TENM2: variants seen among roughly 807,000 people sequenced by gnomAD.
TENM2 encodes the protein teneurin-2.
In TENM2, 52 loss-of-function variants were observed where a neutral mutation model predicts 245.2. The ratio of observed to expected loss-of-function variants is 0.21; its 90% confidence interval spans 0.17 to 0.27. The LOEUF is 0.27. Among genes scored for constraint, TENM2 ranks in the 10% least tolerant of loss-of-function variants. The pLI is 1.00. For synonymous variants in TENM2, 1,363 were observed against 1,438.9 expected (o/e 0.95, Z 1.19); for missense variants, 3,046 against 3,666.8 (o/e 0.83, Z 4.37).
chr5:167,719,362 C>G (rs142357354), intron 2 of TENM2, among the ~76,000 whole-genome samples: 69 of 152,298 alleles, frequency 4.5e-4, no homozygotes, highest in African/African-American at 1.6e-3. Context: ...GAAGGCAGTT[C>G]TTTGGTGACA....
intron 3 of TENM2, among the ~76,000 whole-genome samples, chr5:167,910,388 A>T (rs114047160): frequency 0.013 from 1,920 of 152,320 alleles, 41 homozygotes; most frequent in African/African-American, 0.043. Flanking sequence ...GGGTAGCCAA[A>T]ATTCCAAAAC....
Position 168,247,594 on chromosome 5 carries a change from C to T in TENM2, c.6655C>T (p.Arg2219Cys), listed in dbSNP as rs1007178301. 1.5e-5 allele frequency: 25 copies of T among 1,613,134 alleles called. No individual in the cohort carries two copies. The highest frequency in any genetic ancestry group is 3.3e-5 in the South Asian group (3 of 91,080). ...GCTCCAGAGCGTGGCCGTCAATGAC[C>T]GCCCGACCTGGCGCTACAGCTATGA... The change falls in exon 27 of 29, where the codon CGC (arginine) becomes TGC (cysteine). Residue 2219 changes from arginine to cysteine, a missense_variant. Transcript: ENST00000518659. The surrounding 1 kb of genome is among the most constrained non-coding windows in gnomAD (Gnocchi z 7.8).
intron 9 of TENM2, among the ~76,000 whole-genome samples, chr5:168,115,513 C>T (rs953452869): frequency 2.0e-5 from 3 of 152,054 alleles, no homozygotes; most frequent in Non-Finnish European, 4.4e-5. Context: ...CCATCCTCCA[C>T]CTTTTGGGAG....
chr5:167,283,942 T>C (rs1771192845), upstream of TENM2, among the ~76,000 whole-genome samples: 1 of 152,064 alleles, frequency 6.6e-6, no homozygotes, highest in Non-Finnish European at 1.5e-5. Context: ...TTAGAGAGGT[T>C]CCTTCCCTTC....
intron 2 of TENM2, among the ~76,000 whole-genome samples, chr5:167,606,675 G>A (rs1010708798): frequency 6.6e-6 from 1 of 152,146 alleles, no homozygotes; most frequent in Non-Finnish European, 1.5e-5. Context: ...ATATACTGAT[G>A]TTCTGGGCCT....
At chr5:167,370,341 CAAAAAAAAAAAAAAAA>C (rs35067759) in intron 1 of TENM2, among the ~76,000 whole-genome samples, 31,816 of 74,906 alleles carry the variant, frequency 0.42, 4,173 homozygotes, top group South Asian at 0.54. Flanking sequence ...GACTCCGTCT[CAAAAAAAAAAAAAAAA>C]AAAAAAAAAA....
intron 2 of TENM2, among the ~76,000 whole-genome samples, chr5:167,619,310 A>G (rs1452378188): frequency 6.6e-6 from 1 of 152,144 alleles, no homozygotes; most frequent in Non-Finnish European, 1.5e-5. Context: ...ATTTTTAAAT[A>G]AAGAGTTGAT....
the TENM2 span, among the ~76,000 whole-genome samples, chr5:167,068,337 A>G: frequency 1.3e-5 from 2 of 152,172 alleles, no homozygotes; most frequent in Non-Finnish European, 2.9e-5. Flanking sequence ...TTCTTTGTTC[A>G]CCACCAGTAT....
chr5:167,015,968 G>T, the TENM2 span, among the ~76,000 whole-genome samples: 3 of 152,056 alleles, frequency 2.0e-5, no homozygotes, highest in East Asian at 5.8e-4. Context: ...AAGAAGGAGA[G>T]AGGTGACCAG....
At chr5:167,763,359 A>G (rs1762801653) in intron 2 of TENM2, among the ~76,000 whole-genome samples, 1 of 152,174 alleles carries the variant, frequency 6.6e-6, no homozygotes, top group African/African-American at 2.4e-5. Flanking sequence ...TCATTCCTTC[A>G]CATTAGATTC....
chr5:167,583,931 G>A (rs1246701674), intron 2 of TENM2, among the ~76,000 whole-genome samples: 1 of 151,990 alleles, frequency 6.6e-6, no homozygotes, highest in Admixed American at 6.6e-5. Flanking sequence ...TCATCTTTAG[G>A]CCGAACATTA....
chr5:167,452,667 C>T (rs1039793718), intron 2 of TENM2, among the ~76,000 whole-genome samples: 4 of 151,770 alleles, frequency 2.6e-5, no homozygotes, highest in Non-Finnish European at 5.9e-5. Flanking sequence ...TCTTTTATGA[C>T]ATTCAATCAG....
At chr5:168,239,112 C>A (rs1316986376) in intron 25 of TENM2, among the ~76,000 whole-genome samples, 2 of 152,166 alleles carry the variant, frequency 1.3e-5, no homozygotes, top group Non-Finnish European at 2.9e-5. Context: ...ATGCTCTAAA[C>A]TGGGGGGGCA....
the TENM2 span, among the ~76,000 whole-genome samples, chr5:167,066,337 T>A: frequency 0.01 from 1,589 of 152,250 alleles, 27 homozygotes; most frequent in African/African-American, 0.036. Context: ...GCATTCTTAT[T>A]CCATGGGTTA....
rs553188449 is a variant in TENM2, at chr5:168,011,119, G to A, written c.1186+17937G>A. Among the ~76,000 whole-genome samples the A allele has an allele frequency of 6.6e-5, 10 of 152,294 alleles. No homozygotes were observed. The South Asian group carries it at 8.3e-4, about 13-fold the overall frequency. ...AGTCCGGATAGAGTAATAACCAGTCGCCTCAGCCTTTGCTCATTAATGAGG... is the reference window on the plus strand; with the variant it reads ...AGTCCGGATAGAGTAATAACCAGTCACCTCAGCCTTTGCTCATTAATGAGG... On this transcript the variant is annotated intron_variant, in intron 5 of 28. Coordinates refer to ENST00000518659, the Ensembl canonical transcript of TENM2.
At chr5:167,561,231 T>C (rs1408251790) in intron 2 of TENM2, among the ~76,000 whole-genome samples, 2 of 152,318 alleles carry the variant, frequency 1.3e-5, no homozygotes, top group East Asian at 3.9e-4. Context: ...ATTAACCTAT[T>C]AAAGGTCATA....
intron 27 of TENM2, among the ~76,000 whole-genome samples, chr5:168,259,047 G>A (rs747340374): frequency 5.9e-5 from 9 of 151,614 alleles, no homozygotes; most frequent in Admixed American, 2.6e-4. Context: ...TGAGCCAGGC[G>A]TGGTGGCGGG....
At chr5:167,546,791 A>G (rs1772588648) in intron 2 of TENM2, among the ~76,000 whole-genome samples, 1 of 152,160 alleles carries the variant, frequency 6.6e-6, no homozygotes, top group African/African-American at 2.4e-5. Flanking sequence ...TCCATGCTCA[A>G]AAGACTAAAC....
chr5:167,344,917 A>T (rs772955961), intron 1 of TENM2, among the ~76,000 whole-genome samples: 6 of 152,142 alleles, frequency 3.9e-5, no homozygotes, highest in Non-Finnish European at 7.4e-5. Context: ...TGAGCTTCCA[A>T]AATCAGCCTT....
Sources: allele counts gnomAD v4.1 joint callset (sites outside exome capture counted in the v4.1 genomes callset), GRCh38; gene constraint gnomAD v4.1.1; non-coding constraint Gnocchi (gnomAD v3.1); transcripts MANE v1.5; gene names NCBI Gene and HGNC (gene_info 2026-07-23, HGNC 2026-07-21).